ZYG11B: variants seen among roughly 807,000 people sequenced by gnomAD.
ZYG11B encodes the protein zyg-11 family member B, cell cycle regulator.
Under a neutral mutation model 82.4 loss-of-function variants are expected in ZYG11B, and 36 were observed. That is an observed-to-expected ratio of 0.44 (90% CI 0.33 to 0.58). The LOEUF is 0.58. Among genes scored for constraint, ZYG11B ranks in the 20% least tolerant of loss-of-function variants. The pLI is 0.02. For synonymous variants in ZYG11B, 303 were observed against 312.8 expected (o/e 0.97, Z 0.33); for missense variants, 552 against 895.6 (o/e 0.62, Z 4.90).
intron 6 of ZYG11B, 113 bp from the exon 7 acceptor site, chr1:52,796,179 A>C (rs1645004793): frequency 2.9e-6 from 2 of 687,940 alleles, no homozygotes; most frequent in Non-Finnish European, 5.1e-6. Context: ...GTTAAGAGGA[A>C]TTTTCCCTTG....
chr1:52,783,884 ATG>A lies in ZYG11B; in HGVS notation c.1093-991_1093-990del, dbSNP rs1251819300. Reference sequence around the variant, plus strand: ...TGTATGTACATACACGTGTGTGTATATGTACATACACGTGTGTGTATATACAT... The same window carrying A: ...TGTATGTACATACACGTGTGTGTATATACATACACGTGTGTGTATATACAT... On this transcript the variant is annotated intron_variant, in intron 4 of 13. Transcript: ENST00000294353. 7.4e-3 allele frequency among the ~76,000 whole-genome samples: 1,032 copies of A among 139,106 alleles called. 4 individuals are homozygous for A. The highest frequency in any genetic ancestry group is 0.015 in the Middle Eastern group (4 of 272). 91.3% of individuals were successfully genotyped at this position (139,106 alleles called of 152,430 possible).
intron 6 of ZYG11B, among the ~76,000 whole-genome samples, chr1:52,792,132 C>G (rs138584021): frequency 9.3e-4 from 142 of 152,298 alleles, no homozygotes; most frequent in South Asian, 2.9e-3. Context: ...CCAATGCACT[C>G]TGCTAGAATT....
In ZYG11B at chr1:52,823,364, CAAAT is replaced by C. The variant is rs1428411112; in HGVS notation, c.*1741_*1744del. The C allele has an allele frequency of 6.6e-6, 1 of 151,698 alleles. No homozygotes were observed. Among genetic ancestry groups the C allele is most frequent in the Non-Finnish European group, 1.5e-5 (1 of 67,980 alleles). The allele number at this position is 151,698 out of a possible 1,614,324, so 9.4% of individuals were successfully genotyped here. On this transcript the variant is annotated 3_prime_UTR_variant, in exon 14 of 14. Coordinates refer to ENST00000294353, the MANE Select transcript of ZYG11B (RefSeq NM_024646.3). ...TGGGAAACAGAGCGAGACGCTGACT[CAAAT>C]AAATATCTAAATAGATATTTAGAAT...
intron 13 of ZYG11B, among the ~76,000 whole-genome samples, chr1:52,817,033 C>T (rs533267805): frequency 6.6e-6 from 1 of 151,912 alleles, no homozygotes; most frequent in Non-Finnish European, 1.5e-5. Context: ...AACTCCTGAC[C>T]TCAGGTGATC....
At chr1:52,804,233 G>A (rs1645122406) in intron 10 of ZYG11B, among the ~76,000 whole-genome samples, 1 of 152,014 alleles carries the variant, frequency 6.6e-6, no homozygotes, top group Admixed American at 6.6e-5. Flanking sequence ...GTGACAGAGT[G>A]AGACCCAGTC....
chr1:52,808,088 C>T (rs1471358085), intron 10 of ZYG11B, among the ~76,000 whole-genome samples: 1 of 152,132 alleles, frequency 6.6e-6, no homozygotes, highest in Non-Finnish European at 1.5e-5. Flanking sequence ...GTTGGCCGGA[C>T]ACGGTGGCTC....
intron 2 of ZYG11B, among the ~76,000 whole-genome samples, chr1:52,765,471 A>G (rs181710118): frequency 4.2e-4 from 64 of 152,028 alleles, no homozygotes; most frequent in African/African-American, 1.4e-3. Context: ...CCTCCCAATT[A>G]CAGGAATGAG....
chr1:52,756,181 T>C (rs1644575126), intron 1 of ZYG11B, among the ~76,000 whole-genome samples: 1 of 152,194 alleles, frequency 6.6e-6, no homozygotes, highest in South Asian at 2.1e-4. Context: ...CCTGACTGAT[T>C]AGAACCCCCT....
At chr1:52,796,441 A>G (rs779010348) in intron 7 of ZYG11B, 50 bp downstream of exon 7, 3 of 1,423,540 alleles carry the variant, frequency 2.1e-6, no homozygotes, top group South Asian at 2.4e-5. Flanking sequence ...GTTTCTCACT[A>G]CATTTACTGT....
At chr1:52,818,794 GT>G (rs771697972) in intron 13 of ZYG11B, among the ~76,000 whole-genome samples, 200 of 136,926 alleles carry the variant, frequency 1.5e-3, no homozygotes, top group Middle Eastern at 3.6e-3. Context: ...TTTCGCTTGG[GT>G]TTTTTTTTTT....
chr1:52,799,831 A>T (rs1645061157), intron 8 of ZYG11B, among the ~76,000 whole-genome samples: 1 of 151,988 alleles, frequency 6.6e-6, no homozygotes, highest in African/African-American at 2.4e-5. Context: ...TAATGTTATA[A>T]AGAGAGAGAA....
At chr1:52,811,805 C>T (rs76735033) in intron 10 of ZYG11B, among the ~76,000 whole-genome samples, 18 of 152,048 alleles carry the variant, frequency 1.2e-4, no homozygotes, top group South Asian at 6.2e-4. Context: ...CCAAGGCGGG[C>T]GGATCACGAG....
At chr1:52,773,886 G>A (rs992667067) in intron 3 of ZYG11B, among the ~76,000 whole-genome samples, 15 of 151,206 alleles carry the variant, frequency 9.9e-5, no homozygotes, top group South Asian at 6.2e-4. Context: ...CAGGCAGTTC[G>A]CCTGTCTTGG....
At chr1:52,767,175 TTTG>T (rs147529192) in intron 2 of ZYG11B, among the ~76,000 whole-genome samples, 51,138 of 150,216 alleles carry the variant, frequency 0.34, 9,638 homozygotes, top group East Asian at 0.58. Flanking sequence ...GTTATGTTAT[TTTG>T]TTACGTTATG....
chr1:52,766,883 C>CT (rs1644694256), intron 2 of ZYG11B, among the ~76,000 whole-genome samples: 1 of 151,986 alleles, frequency 6.6e-6, no homozygotes, highest in African/African-American at 2.4e-5. Flanking sequence ...CAGCGTGTGC[C>CT]TGTAGTCCCA....
chr1:52,780,503 TA>T (rs887178745), intron 4 of ZYG11B, among the ~76,000 whole-genome samples: 8 of 151,482 alleles, frequency 5.3e-5, no homozygotes, highest in Admixed American at 1.3e-4. Context: ...ATTAAAAAAA[TA>T]AAAAAAAGAG....
intron 3 of ZYG11B, among the ~76,000 whole-genome samples, chr1:52,779,552 G>T (rs780968158): frequency 6.6e-6 from 1 of 152,026 alleles, no homozygotes; most frequent in Non-Finnish European, 1.5e-5. Context: ...GTGCAGTGGC[G>T]TGATCTCAGC....
chr1:52,803,111 TATATATACACACATATATATATACACAC>T (rs1645095697), intron 10 of ZYG11B, among the ~76,000 whole-genome samples: 1 of 90,722 alleles, frequency 1.1e-5, no homozygotes, highest in African/African-American at 6.7e-5. Flanking sequence ...TATATATATA[TATATATACACACATATATATATACACAC>T]ATATATATAT....
At chr1:52,756,645 A>G (rs1289181302) in intron 2 of ZYG11B, 22 bp downstream of exon 2, 5 of 1,587,976 alleles carry the variant, frequency 3.1e-6, no homozygotes, top group Non-Finnish European at 4.3e-6. Flanking sequence ...AACAGAGGAA[A>G]CAAAAATTAT....
Sources: allele counts gnomAD v4.1 joint callset (sites outside exome capture counted in the v4.1 genomes callset), GRCh38; gene constraint gnomAD v4.1.1; transcripts MANE v1.5; gene names NCBI Gene and HGNC (gene_info 2026-07-23, HGNC 2026-07-21).